SHC1: variants seen among roughly 807,000 people sequenced by gnomAD.
The protein encoded by SHC1 is SHC adaptor protein 1, also known as SHC-transforming protein 1.
In SHC1, 30 loss-of-function variants were observed where a neutral mutation model predicts 55.9. That is an observed-to-expected ratio of 0.54 (90% CI 0.40 to 0.73). The LOEUF (loss-of-function observed/expected upper bound fraction) is 0.73. Among genes scored for constraint, SHC1 ranks in the 30% least tolerant of loss-of-function variants. SHC1 has a pLI of 0.00. For missense variants in SHC1, 675 were observed against 777.1 expected (o/e 0.87, Z 1.56); for synonymous variants, 309 against 306.1 (o/e 1.01, Z -0.10).
chr1:154,963,393 G>C lies in SHC1; in HGVS notation c.*410C>G, dbSNP rs932816694. 4.2e-5 allele frequency: 7 copies of C among 167,656 alleles called. No individual in the cohort carries two copies. The highest frequency in any genetic ancestry group is 1.7e-4 in the African/African-American group (7 of 41,930). The allele number at this position is 167,656 out of a possible 1,614,324, so 10.4% of individuals were successfully genotyped here. ...AGGCACAAAGTTTAAACATGGGGGG[G>C]GCGGGTGTTGAGAGGGGTCTGGGAT... On this transcript the variant is annotated 3_prime_UTR_variant, in exon 12 of 12. Transcript: ENST00000448116.
In SHC1 at chr1:154,968,669, C is replaced by T. The variant is rs539549581; in HGVS notation, c.631-55G>A. ...GAGGGTTCCCAGCACAGGCAAACCA[C>T]ACTTTTGCCTCCTGGCCCTCTCCCC... On this transcript the variant is annotated intron_variant, in intron 3 of 11. Transcript: ENST00000448116. 5.0e-6 allele frequency: 8 copies of T among 1,612,256 alleles called. No homozygotes were observed. The Admixed American group carries it at 1.2e-4, about 24-fold the overall frequency.
At position 154,969,393 on chromosome 1, in the gene SHC1, CG is replaced by C; in HGVS notation, c.550del (p.Arg184GlyfsTer42). On this transcript the variant is annotated frameshift_variant, in exon 2 of 12. Coordinates refer to ENST00000448116, the MANE Select transcript of SHC1 (RefSeq NM_001130040.2). LOFTEE classifies it high-confidence loss of function. ...CCCCACTAACCTGGTGACCTGAGTC[CG>C]GGTGTTGAAGTCCAGGGCACGCATT... ...QSMRALDFNT[R>X]TQVTREAISL... The C allele has an allele frequency of 6.2e-7, 1 of 1,610,822 alleles. No individual in the cohort carries two copies. The highest frequency in any genetic ancestry group is 8.5e-7 in the Non-Finnish European group (1 of 1,178,008).
chr1:154,969,599 G>A (rs1455691014), intron 1 of SHC1, 151 bp from the exon 2 acceptor site: 6 of 628,334 alleles, frequency 9.5e-6, no homozygotes, highest in African/African-American at 7.4e-5. Context: ...CACAACCAAG[G>A]TGAAAGACAA....
Position 154,970,746 on chromosome 1 carries a change from C to A in SHC1, c.-220G>T, listed in dbSNP as rs540719970. The A allele has an allele frequency of 1.0e-4, 48 of 479,458 alleles. No individual in the cohort carries two copies. The highest frequency in any genetic ancestry group is 7.1e-4 in the African/African-American group (35 of 49,176). 29.7% of individuals were successfully genotyped at this position (479,458 alleles called of 1,614,324 possible). A position where few individuals can be genotyped will look rare whatever the true frequency, so the allele number is the denominator to read the frequency against. ...CCCCGCCCAACGTGGAGCCTCTTCT[C>A]TGGCTGAGAAGAGAACAGGCTGGAC... On this transcript the variant is annotated 5_prime_UTR_variant, in exon 1 of 12. Coordinates refer to ENST00000448116, the MANE Select transcript of SHC1 (RefSeq NM_001130040.2). This position sits in a 1 kb window ranked among gnomAD's most constrained non-coding sequence, Gnocchi z 5.5.
chr1:154,973,915 G>A (rs1281714860), upstream of SHC1, among the ~76,000 whole-genome samples: 1 of 152,210 alleles, frequency 6.6e-6, no homozygotes, highest in African/African-American at 2.4e-5. Flanking sequence ...CCTTTTGGGA[G>A]ATAGGCCTTT....
chr1:154,968,621 T>C lies in SHC1; in HGVS notation c.631-7A>G. The C allele has an allele frequency of 6.2e-7, 1 of 1,614,000 alleles. No homozygotes were observed. Among genetic ancestry groups the C allele is most frequent in the African/African-American group, 1.3e-5 (1 of 74,986 alleles). On this transcript the variant is annotated splice_polypyrimidine_tract_variant and splice_region_variant and intron_variant, in intron 3 of 11. Coordinates refer to ENST00000448116, the MANE Select transcript of SHC1 (RefSeq NM_001130040.2). ...TGAGCGGGCGGCTACAGGGCTAAGG[T>C]AGGGCCCAGGGTCTCAGAAGGTGAG...
In SHC1 at chr1:154,966,234, G is replaced by T; in HGVS notation, c.1183-3C>A. On this transcript the variant is annotated splice_region_variant and splice_polypyrimidine_tract_variant and intron_variant, in intron 8 of 11. Transcript: ENST00000448116. ...CCCCCAACAGGCTGTCCTACAGGCTGCAGGGATAAAAATAAGGTGAGACCA... is the reference window on the plus strand; with the variant it reads ...CCCCCAACAGGCTGTCCTACAGGCTTCAGGGATAAAAATAAGGTGAGACCA... 1.2e-6 allele frequency: 2 copies of T among 1,614,014 alleles called. No homozygotes were observed. The highest frequency in any genetic ancestry group is 2.2e-5 in the East Asian group (1 of 44,890).
chr1:154,970,498 T>C lies in SHC1; in HGVS notation c.29A>G (p.Tyr10Cys), dbSNP rs1426011004. 11 of 1,611,010 alleles carry C rather than the reference T, an allele frequency of 6.8e-6. No individual in the cohort carries two copies. The highest frequency in any genetic ancestry group is 8.5e-6 in the Non-Finnish European group (10 of 1,179,090). MDLLPPKPK[Y>C]NPLRNESLSS... ...CAGAGACTCATTCCGGAGTGGATTGTACTTGGGCTTGGGGGGCAGGAGATC... is the reference window on the plus strand; with the variant it reads ...CAGAGACTCATTCCGGAGTGGATTGCACTTGGGCTTGGGGGGCAGGAGATC... The change falls in exon 1 of 12, where the codon TAC becomes TGC. Residue 10 changes from tyrosine to cysteine, a missense_variant. By Grantham distance (194) the Tyr-to-Cys change is radical. Coordinates refer to ENST00000448116, the MANE Select transcript of SHC1 (RefSeq NM_001130040.2). The surrounding 1 kb of genome is among the most constrained non-coding windows in gnomAD (Gnocchi z 5.5).
In SHC1 at chr1:154,968,849, GTACT is replaced by G. The variant is rs780754374; in HGVS notation, c.567-19_567-16del. The G allele has an allele frequency of 6.2e-7, 1 of 1,612,930 alleles. No homozygotes were observed. The highest frequency in any genetic ancestry group is 8.5e-7 in the Non-Finnish European group (1 of 1,178,934). On this transcript the variant is annotated splice_polypyrimidine_tract_variant and intron_variant, in intron 2 of 11. Transcript: ENST00000448116. ...TGATGGCCTCCCTGGGGAAAGAGGG[GTACT>G]CAGACCCAGCGCCTGCCTGCCTGCC... is the stretch of plus-strand genomic sequence containing the variant.
chr1:154,967,636 C>G, intron 7 of SHC1, 35 bp downstream of exon 7: 1 of 1,607,946 alleles, frequency 6.2e-7, no homozygotes, highest in Non-Finnish European at 8.5e-7. Context: ...TAATCCTAAT[C>G]CAAGAGCTGC....
chr1:154,971,360 A>T (rs1656730796), upstream of SHC1, among the ~76,000 whole-genome samples: 2 of 152,330 alleles, frequency 1.3e-5, no homozygotes, highest in African/African-American at 4.8e-5. Flanking sequence ...GCCAAGAGGA[A>T]GAGCAAAGCT....
intron 11 of SHC1, among the ~76,000 whole-genome samples, chr1:154,964,850 G>A (rs1032551554): frequency 2.0e-5 from 3 of 152,226 alleles, no homozygotes; most frequent in African/African-American, 7.2e-5. Flanking sequence ...GGGAGCTGGA[G>A]AAGCCCTTGG....
upstream of SHC1, chr1:154,974,330 A>G (rs2102218499): frequency 3.5e-6 from 1 of 285,876 alleles, no homozygotes; most frequent in East Asian, 9.2e-5. Flanking sequence ...TTACCGCTCC[A>G]ACTTTCTCCC....
chr1:154,970,438 G>T lies in SHC1; in HGVS notation c.89C>A (p.Pro30His), dbSNP rs1473834280. ...TGATGGGGAAGGCAGCTCCTCCGGG[G>T]GGGTGGACCCAGAAGCCCCTTCCTC... ...SLEEGASGST[P>H]PEELPSPSAS... Residue 30 changes from proline to histidine, a missense_variant, in exon 1 of 12, where the codon CCC becomes CAC. Pro to His is a moderately conservative substitution (Grantham distance 77). This residue lies in a region of SHC1 where 156 missense variants were observed against 159.1 expected (regional missense o/e 0.98). Transcript: ENST00000448116. This position sits in a 1 kb window ranked among gnomAD's most constrained non-coding sequence, Gnocchi z 5.5. 2 of 1,610,990 alleles carry T rather than the reference G, an allele frequency of 1.2e-6. No homozygotes were observed. Among genetic ancestry groups the T allele is most frequent in the Non-Finnish European group, 1.7e-6 (2 of 1,178,922 alleles).
upstream of SHC1, among the ~76,000 whole-genome samples, chr1:154,973,762 C>T (rs749931002): frequency 6.6e-6 from 1 of 152,150 alleles, no homozygotes; most frequent in Non-Finnish European, 1.5e-5. Context: ...CCTAAGGGGG[C>T]GTGGTCCCCT....
chr1:154,973,511 TAA>T (rs56300199), upstream of SHC1: 8,437 of 96,324 alleles, frequency 0.088, 545 homozygotes, highest in African/African-American at 0.2. Context: ...AACTCCGTCT[TAA>T]AAAAAAAAAA....
intron 11 of SHC1, chr1:154,965,256 C>T (rs1655789843): frequency 9.2e-6 from 7 of 759,928 alleles, no homozygotes; most frequent in African/African-American, 7.2e-5. Flanking sequence ...AGGCTGGTCT[C>T]GAACTCCTGA....
chr1:154,965,048 G>C (rs973363907), intron 11 of SHC1, among the ~76,000 whole-genome samples: 1 of 151,868 alleles, frequency 6.6e-6, no homozygotes, highest in Non-Finnish European at 1.5e-5. Context: ...GTTTTGTTTT[G>C]TTTTTTCAGA....
upstream of SHC1, chr1:154,973,311 G>A (rs1258018334): frequency 6.6e-6 from 1 of 152,184 alleles, no homozygotes; most frequent in Non-Finnish European, 1.5e-5. Flanking sequence ...AGGAGTTCGA[G>A]GCTAGCCTAG....
Sources: gnomAD v4.1 joint callset for allele counts (sites outside exome capture counted in the v4.1 genomes callset) on GRCh38, gnomAD v4.1.1 for gene constraint, gnomAD v4.1.1 regional missense constraint, Gnocchi (gnomAD v3.1) non-coding constraint, MANE v1.5 for transcripts, NCBI Gene and HGNC (gene_info 2026-07-23, HGNC 2026-07-21) for gene names.